DENND5B: variants seen among roughly 807,000 people sequenced by gnomAD.
DENND5B encodes the protein DENN domain containing 5B.
A neutral mutation model predicts 140.6 loss-of-function variants in DENND5B; 34 were observed. That is an observed-to-expected ratio of 0.24 (90% CI 0.18 to 0.32). The LOEUF (loss-of-function observed/expected upper bound fraction) is 0.32. Ranked by LOEUF, DENND5B falls within the 10% of genes least tolerant of loss-of-function variation. The pLI is 1.00. For synonymous variants in DENND5B, 551 were observed against 562.1 expected, an observed-to-expected ratio of 0.98 and a Z score of 0.28; for missense variants, 1,142 against 1,560.2, an observed-to-expected ratio of 0.73 and a Z score of 4.52.
intron 5 of DENND5B, among the ~76,000 whole-genome samples, chr12:31,448,134 C>CT (rs1944349383): frequency 1.3e-5 from 2 of 150,980 alleles, no homozygotes; most frequent in South Asian, 4.2e-4. Flanking sequence ...GTTGTAATTT[C>CT]GTTTTTTTTT....
At chr12:31,453,913 G>A (rs958237514) in intron 4 of DENND5B, among the ~76,000 whole-genome samples, 3 of 151,944 alleles carry the variant, frequency 2.0e-5, no homozygotes, top group African/African-American at 4.8e-5. Flanking sequence ...AGGCTGAGGC[G>A]GGAGGATGAC....
chr12:31,586,433 A>G (rs1000330247), intron 1 of DENND5B, among the ~76,000 whole-genome samples: 5 of 152,268 alleles, frequency 3.3e-5, no homozygotes, highest in African/African-American at 1.2e-4. Context: ...ACGACAGGTA[A>G]TATGAGTATA....
chr12:31,518,059 A>C (rs757711428), intron 1 of DENND5B, among the ~76,000 whole-genome samples: 26 of 152,214 alleles, frequency 1.7e-4, no homozygotes, highest in Non-Finnish European at 3.5e-4. Flanking sequence ...CAATGGGAGC[A>C]GTGCAAAGTG....
intron 1 of DENND5B, among the ~76,000 whole-genome samples, chr12:31,589,408 A>G (rs571676250): frequency 2.6e-5 from 4 of 152,328 alleles, no homozygotes; most frequent in Admixed American, 1.3e-4. Flanking sequence ...AACTAAAACT[A>G]GACTTACAGT....
In DENND5B at chr12:31,423,631, T is replaced by C. The variant is rs1477821852; in HGVS notation, c.2436A>G (p.Arg812=). ...LWSHLIQFQD[R]EEKQEHLAES... ...CTGCAAGGTGCTCTTGTTTCTCTTCTCTGTCCTGAAATTGAATTAAATGTG... is the reference window on the plus strand; with the variant it reads ...CTGCAAGGTGCTCTTGTTTCTCTTCCCTGTCCTGAAATTGAATTAAATGTG... The change falls in exon 11 of 21, where the codon AGA becomes AGG. Residue 812 remains arginine, a synonymous_variant. Coordinates refer to ENST00000389082, the MANE Select transcript of DENND5B (RefSeq NM_144973.4). The C allele has an allele frequency of 6.2e-7, 1 of 1,613,824 alleles. No homozygotes were observed. Among genetic ancestry groups the C allele is most frequent in the Non-Finnish European group, 8.5e-7 (1 of 1,179,868 alleles).
At chr12:31,481,494 A>T (rs985341238) in intron 2 of DENND5B, among the ~76,000 whole-genome samples, 6 of 152,248 alleles carry the variant, frequency 3.9e-5, no homozygotes, top group African/African-American at 1.2e-4. Context: ...AACATATAAT[A>T]GTAGGAAGAC....
At chr12:31,581,693 C>CAAAA (rs139320385) in intron 1 of DENND5B, among the ~76,000 whole-genome samples, 3 of 119,066 alleles carry the variant, frequency 2.5e-5, no homozygotes, top group African/African-American at 3.2e-5. Context: ...AACTCTGTCT[C>CAAAA]AAAAAAAAAA....
At chr12:31,562,700 A>G (rs988301768) in intron 1 of DENND5B, among the ~76,000 whole-genome samples, 2 of 152,210 alleles carry the variant, frequency 1.3e-5, no homozygotes, top group Non-Finnish European at 2.9e-5. Context: ...TTTGTAAGAA[A>G]AATAAAATGA....
intron 1 of DENND5B, chr12:31,500,515 A>T (rs575627827): frequency 3.0e-4 from 108 of 356,028 alleles, no homozygotes; most frequent in Non-Finnish European, 5.4e-4. Context: ...CCTCATCTCT[A>T]CTAAAAATAC....
chr12:31,528,998 TA>T (rs1371462691), intron 1 of DENND5B, among the ~76,000 whole-genome samples: 3 of 150,864 alleles, frequency 2.0e-5, no homozygotes, highest in African/African-American at 4.9e-5. Flanking sequence ...CCGTCTCTAC[TA>T]AAAAACACAA....
chr12:31,517,945 T>TTTGCAGGTGGATGAGAAAG (rs1947728041), intron 1 of DENND5B, among the ~76,000 whole-genome samples: 1 of 152,194 alleles, frequency 6.6e-6, no homozygotes, highest in African/African-American at 2.4e-5. Flanking sequence ...TACTCTTGCC[T>TTTGCAGGTGGATGAGAAAG]TTGCAGGTGG....
chr12:31,466,151 G>A (rs530259337), intron 3 of DENND5B, among the ~76,000 whole-genome samples: 4 of 152,030 alleles, frequency 2.6e-5, no homozygotes, highest in South Asian at 2.1e-4. Context: ...TCAAGAGATC[G>A]AGACCATCCT....
intron 1 of DENND5B, among the ~76,000 whole-genome samples, chr12:31,579,203 A>G (rs530768521): frequency 6.6e-6 from 1 of 152,360 alleles, no homozygotes; most frequent in African/African-American, 2.4e-5. Context: ...GTAAAGTCAT[A>G]GATTCTTGGA....
At chr12:31,511,921 CTTTTTTTT>C (rs761566462) in intron 1 of DENND5B, among the ~76,000 whole-genome samples, 1 of 98,944 alleles carries the variant, frequency 1.0e-5, no homozygotes, top group African/African-American at 4.0e-5. Flanking sequence ...CTCCACTGCC[CTTTTTTTT>C]TTTTTTTTTT....
intron 20 of DENND5B, 129 bp from the exon 21 acceptor site, chr12:31,387,915 C>A: frequency 1.1e-6 from 1 of 907,026 alleles, no homozygotes; most frequent in Non-Finnish European, 1.6e-6. Flanking sequence ...GCTAAGAGGT[C>A]AGGAGAGAGG....
chr12:31,554,850 T>TACCAGTTGATCACATC (rs1949214469), intron 1 of DENND5B, among the ~76,000 whole-genome samples: 1 of 152,130 alleles, frequency 6.6e-6, no homozygotes, highest in Non-Finnish European at 1.5e-5. Context: ...TTGATCACAT[T>TACCAGTTGATCACATC]GGCTACTGAG....
chr12:31,459,435 G>T (rs1157623385), intron 4 of DENND5B, among the ~76,000 whole-genome samples: 3 of 152,070 alleles, frequency 2.0e-5, no homozygotes, highest in African/African-American at 7.2e-5. Flanking sequence ...GACTACAGGT[G>T]TGTGCCACCA....
chr12:31,555,422 C>G (rs1166138143), intron 1 of DENND5B, among the ~76,000 whole-genome samples: 1 of 152,210 alleles, frequency 6.6e-6, no homozygotes, highest in Non-Finnish European at 1.5e-5. Flanking sequence ...GAAGTTTTGT[C>G]TCAGAGGAGT....
intron 1 of DENND5B, among the ~76,000 whole-genome samples, chr12:31,554,345 T>A (rs963011979): frequency 4.6e-5 from 7 of 151,442 alleles, no homozygotes; most frequent in Non-Finnish European, 7.4e-5. Flanking sequence ...CTGGATATGA[T>A]ATTCTGGGTT....
Sources: allele counts gnomAD v4.1 joint callset (sites outside exome capture counted in the v4.1 genomes callset), GRCh38; gene constraint gnomAD v4.1.1; transcripts MANE v1.5; gene names NCBI Gene and HGNC (gene_info 2026-07-23, HGNC 2026-07-21).